Variants in KITLG observed in about 807,000 individuals in gnomAD.
The protein encoded by KITLG is KIT ligand, also known as c-Kit ligand.
A neutral mutation model predicts 34.1 loss-of-function variants in KITLG; 13 were observed. The ratio of observed to expected loss-of-function variants is 0.38; its 90% CI spans 0.25 to 0.61. The LOEUF (loss-of-function observed/expected upper bound fraction) is 0.61. KITLG is among the 20% of genes least tolerant of loss of function. KITLG has a pLI of 0.60. For synonymous variants in KITLG, 110 were observed against 104.0 expected (o/e 1.06, Z -0.35); for missense variants, 292 against 318.9 (o/e 0.92, Z 0.64).
chr12:88,547,096 T>C (rs1592578266), intron 1 of KITLG, among the ~76,000 whole-genome samples: 1 of 152,182 alleles, frequency 6.6e-6, no homozygotes, highest in African/African-American at 2.4e-5. Context: ...TTAAAATATG[T>C]GCACATTCTT....
chr12:88,535,596 CATTGGTTT>C (rs1870284455), intron 2 of KITLG, among the ~76,000 whole-genome samples: 1 of 152,130 alleles, frequency 6.6e-6, no homozygotes, highest in Non-Finnish European at 1.5e-5. Flanking sequence ...CCTTGGTTTT[CATTGGTTT>C]CCTTCTAATT....
At chr12:88,536,984 TA>T (rs1368024448) in intron 2 of KITLG, among the ~76,000 whole-genome samples, 1 of 151,838 alleles carries the variant, frequency 6.6e-6, no homozygotes, top group Non-Finnish European at 1.5e-5. Flanking sequence ...AAGTATAATT[TA>T]AAAAAATGTC....
chr12:88,534,009 T>G (rs889551599), intron 2 of KITLG, among the ~76,000 whole-genome samples: 1 of 152,186 alleles, frequency 6.6e-6, no homozygotes, highest in Non-Finnish European at 1.5e-5. Flanking sequence ...AATCATAAAA[T>G]AGTAACAGTG....
intron 2 of KITLG, among the ~76,000 whole-genome samples, chr12:88,542,736 A>C (rs1870565570): frequency 6.6e-6 from 1 of 152,148 alleles, no homozygotes; most frequent in Admixed American, 6.6e-5. Context: ...AGTTGGAAAC[A>C]TTAGGGTTCT....
chr12:88,573,224 G>A (rs1871714034), intron 1 of KITLG, among the ~76,000 whole-genome samples: 1 of 152,146 alleles, frequency 6.6e-6, no homozygotes, highest in Admixed American at 6.5e-5. Flanking sequence ...TTAACAGCCA[G>A]TACATCGATA....
At chr12:88,534,813 C>T (rs1180140204) in intron 2 of KITLG, 2 of 393,158 alleles carry the variant, frequency 5.1e-6, no homozygotes, top group African/African-American at 4.3e-5. Context: ...CTTTTCTCTT[C>T]TTAATCTTCA....
At chr12:88,560,967 C>CAAAAAAAAAA (rs34851499) in intron 1 of KITLG, among the ~76,000 whole-genome samples, 6 of 58,098 alleles carry the variant, frequency 1.0e-4, no homozygotes, top group East Asian at 5.7e-4. Flanking sequence ...GACTCTGTCT[C>CAAAAAAAAAA]AAAAAAAAAA....
chr12:88,505,535 G>A lies in KITLG; in HGVS notation c.783-300C>T, dbSNP rs144290808. ...TACATACAGGCATGACATGAGAGAAGGCAACACACCAAATGAAAATTATAA... is the reference window on the plus strand; with the variant it reads ...TACATACAGGCATGACATGAGAGAAAGCAACACACCAAATGAAAATTATAA... On this transcript the variant is annotated intron_variant, in intron 8 of 9. Transcript: ENST00000644744. Among the ~76,000 whole-genome samples the A allele has an allele frequency of 1.8e-3, 268 of 152,194 alleles. 1 individual carries two copies. Among genetic ancestry groups the A allele is most frequent in the African/African-American group, 6.1e-3 (254 of 41,532 alleles).
In KITLG at chr12:88,522,336, C is replaced by A. The variant is rs538730075; in HGVS notation, c.193-3469G>T. Among the ~76,000 whole-genome samples, 117 of 152,082 alleles carry A rather than the reference C, an allele frequency of 7.7e-4. 1 individual carries two copies. Among genetic ancestry groups the A allele is most frequent in the Admixed American group, 1.8e-3 (28 of 15,278 alleles). On this transcript the variant is annotated intron_variant, in intron 3 of 9. Coordinates refer to ENST00000644744, the MANE Select transcript of KITLG (RefSeq NM_000899.5). ...TGCTAATTCTGGCATGCTTTCTCCT[C>A]TCTATCTCCTGCCTCATTCAAGAAA... is the stretch of plus-strand genomic sequence containing the variant.
chr12:88,500,918 C>A (rs976779636), intron 9 of KITLG, among the ~76,000 whole-genome samples: 1 of 151,954 alleles, frequency 6.6e-6, no homozygotes, highest in Non-Finnish European at 1.5e-5. Flanking sequence ...TAGCTGAGAC[C>A]ATAGGTGCAT....
chr12:88,501,101 T>A (rs538760082), intron 9 of KITLG, among the ~76,000 whole-genome samples: 1 of 152,248 alleles, frequency 6.6e-6, no homozygotes, highest in South Asian at 2.1e-4. Context: ...AGGTGCAACT[T>A]TTTTTGTTGT....
rs942564043 is a variant in KITLG at position 88,495,296 on chromosome 12, CA to C, written c.*1922del. 23 of 151,962 alleles carry C rather than the reference CA, an allele frequency of 1.5e-4. No individual in the cohort carries two copies. Among genetic ancestry groups the C allele is most frequent in the Non-Finnish European group, 2.5e-4 (17 of 67,928 alleles). The allele number at this position is 151,962 out of a possible 1,614,324, so 9.4% of individuals were successfully genotyped here. A position where few individuals can be genotyped will look rare whatever the true frequency, so the allele number is the denominator to read the frequency against. ...CTAGATTGAGAAGTATCTATCTTCTCAATCTATACACAACCTACACGCATAA... is the reference window on the plus strand; with the variant it reads ...CTAGATTGAGAAGTATCTATCTTCTCATCTATACACAACCTACACGCATAA... On this transcript the variant is annotated 3_prime_UTR_variant, in exon 10 of 10. Transcript: ENST00000644744.
chr12:88,566,618 T>C (rs1165581588), intron 1 of KITLG, among the ~76,000 whole-genome samples: 2 of 152,120 alleles, frequency 1.3e-5, no homozygotes, highest in Non-Finnish European at 2.9e-5. Context: ...GCAGCAATAT[T>C]GGTATGTCAT....
At chr12:88,541,347 TAAGA>T (rs1162227683) in intron 2 of KITLG, among the ~76,000 whole-genome samples, 1 of 152,072 alleles carries the variant, frequency 6.6e-6, no homozygotes, top group Admixed American at 6.6e-5. Flanking sequence ...GATGGGACCT[TAAGA>T]AACATTTTGA....
chr12:88,505,128 G>GA (rs374899207), intron 9 of KITLG, 31 bp downstream of exon 9: 1,440 of 1,152,638 alleles, frequency 1.2e-3, no homozygotes, highest in Non-Finnish European at 1.5e-3. Context: ...ATAAAAAAAA[G>GA]AAAAAAAAAG....
chr12:88,549,372 A>C (rs114820530), intron 1 of KITLG, among the ~76,000 whole-genome samples: 4,012 of 152,296 alleles, frequency 0.026, 80 homozygotes, highest in Admixed American at 0.034. Flanking sequence ...AACAGGTAGA[A>C]AATGAAACCG....
intron 3 of KITLG, among the ~76,000 whole-genome samples, chr12:88,530,716 A>G (rs1047881198): frequency 6.6e-6 from 1 of 152,174 alleles, no homozygotes; most frequent in African/African-American, 2.4e-5. Flanking sequence ...TCAATAGGAT[A>G]GACATTGACA....
In KITLG at chr12:88,509,812, G is replaced by A. The variant is rs954699841; in HGVS notation, c.605-2675C>T. Among the ~76,000 whole-genome samples the A allele has an allele frequency of 1.5e-4, 23 of 152,262 alleles. 1 individual carries two copies. Among genetic ancestry groups the A allele is most frequent in the Middle Eastern group, 6.8e-3 (2 of 294 alleles). On this transcript the variant is annotated intron_variant, in intron 6 of 9. Coordinates refer to ENST00000644744, the MANE Select transcript of KITLG (RefSeq NM_000899.5). Reference sequence around the variant, plus strand: ...CAGGCAGACAAAAAGAACTTTATCAGAAGAGATTTGCTTATACCTCCAGGG... The same window carrying A: ...CAGGCAGACAAAAAGAACTTTATCAAAAGAGATTTGCTTATACCTCCAGGG...
chr12:88,523,643 G>C (rs943004995), intron 3 of KITLG, among the ~76,000 whole-genome samples: 2 of 152,078 alleles, frequency 1.3e-5, no homozygotes, highest in Non-Finnish European at 2.9e-5. Context: ...TTTCGTTGTG[G>C]CTAGAAAGCT....
Sources: gnomAD v4.1 joint callset for allele counts (sites outside exome capture counted in the v4.1 genomes callset) on GRCh38, gnomAD v4.1.1 for gene constraint, MANE v1.5 for transcripts, NCBI Gene and HGNC (gene_info 2026-07-23, HGNC 2026-07-21) for gene names.